Variants in ITGBL1 observed in about 807,000 individuals in gnomAD.
ITGBL1 encodes the protein integrin beta-like protein 1.
A neutral mutation model predicts 68.5 loss-of-function variants in ITGBL1; 51 were observed. The ratio of observed to expected loss-of-function variants is 0.74; its 90% CI spans 0.59 to 0.94. ITGBL1 has a LOEUF of 0.94. Ranked by LOEUF, ITGBL1 falls within the 40% of genes least tolerant of loss-of-function variation. The pLI is 0.00. For synonymous variants in ITGBL1, 209 were observed against 227.3 expected, an observed-to-expected ratio of 0.92 and a Z score of 0.72; for missense variants, 649 against 647.4, an observed-to-expected ratio of 1.00 and a Z score of -0.03.
At chr13:101,459,948 A>C (rs2048295682) in intron 2 of ITGBL1, among the ~76,000 whole-genome samples, 1 of 152,140 alleles carries the variant, frequency 6.6e-6, no homozygotes, top group African/African-American at 2.4e-5. Flanking sequence ...GTGGTTATTC[A>C]TGAGAACTGG....
rs549716372 is a variant in ITGBL1, at chr13:101,601,173, G to A, written c.1015+2874G>A. ...CTGGTTTAGTCTTGGGAGAGTGTAT[G>A]TGTTGAGGAAATTTATCCATTTCTT... On this transcript the variant is annotated intron_variant, in intron 7 of 10. Transcript: ENST00000376180. 3.9e-3 allele frequency among the ~76,000 whole-genome samples: 598 copies of A among 152,320 alleles called. 5 individuals are homozygous for A. The highest frequency in any genetic ancestry group is 0.014 in the African/African-American group (564 of 41,578).
At chr13:101,516,568 A>C (rs779647865) in intron 2 of ITGBL1, among the ~76,000 whole-genome samples, 9 of 152,280 alleles carry the variant, frequency 5.9e-5, no homozygotes, top group Non-Finnish European at 1.3e-4. Context: ...GCAAAAGAAA[A>C]GGTAGAAAAA....
chr13:101,517,414 C>T (rs754310585), intron 2 of ITGBL1, among the ~76,000 whole-genome samples: 24 of 152,256 alleles, frequency 1.6e-4, no homozygotes, highest in Middle Eastern at 3.4e-3. Flanking sequence ...CTGCACGTTA[C>T]GCTCATCTAG....
chr13:101,474,762 A>G (rs2048511954), intron 2 of ITGBL1, among the ~76,000 whole-genome samples: 1 of 152,198 alleles, frequency 6.6e-6, no homozygotes, highest in Non-Finnish European at 1.5e-5. Flanking sequence ...AAGTAAGGGA[A>G]GAGAACATGA....
rs539646864 is a variant in ITGBL1, at chr13:101,597,701, C to T, written c.869-452C>T. On this transcript the variant is annotated intron_variant, in intron 6 of 10. Transcript: ENST00000376180. ...CTAAGTAGCTGGGATTACAGGTGCACGCCACCATGCCTGGCTAATTTTCAT... is the reference window on the plus strand; with the variant it reads ...CTAAGTAGCTGGGATTACAGGTGCATGCCACCATGCCTGGCTAATTTTCAT... Among the ~76,000 whole-genome samples the T allele has an allele frequency of 3.9e-5, 6 of 152,046 alleles. No homozygotes were observed. In the South Asian group the frequency reaches 6.3e-4, roughly 16 times the overall value.
intron 7 of ITGBL1, among the ~76,000 whole-genome samples, chr13:101,659,258 A>C (rs1012364678): frequency 1.3e-5 from 2 of 152,096 alleles, no homozygotes; most frequent in Admixed American, 1.3e-4. Flanking sequence ...AAATACTGTT[A>C]ATATTTCAAT....
intron 2 of ITGBL1, among the ~76,000 whole-genome samples, chr13:101,495,221 G>A (rs1235081613): frequency 5.3e-5 from 8 of 152,168 alleles, no homozygotes; most frequent in Admixed American, 2.0e-4. Flanking sequence ...TAAGTAGCAG[G>A]AATGGTGGCT....
intron 9 of ITGBL1, among the ~76,000 whole-genome samples, chr13:101,708,117 A>T (rs190831003): frequency 6.6e-6 from 1 of 152,136 alleles, no homozygotes; most frequent in African/African-American, 2.4e-5. Context: ...ATGCTAATAG[A>T]TTAAATTTTG....
chr13:101,455,659 A>C (rs896109087), intron 2 of ITGBL1, among the ~76,000 whole-genome samples: 4 of 152,254 alleles, frequency 2.6e-5, no homozygotes, highest in African/African-American at 9.6e-5. Context: ...GCGAGACTTC[A>C]TCTCAATAAA....
chr13:101,567,863 T>C lies in ITGBL1; in HGVS notation c.463+18T>C, dbSNP rs770641301. 6.3e-7 allele frequency: 1 copy of C among 1,596,066 alleles called. No homozygotes were observed. Among genetic ancestry groups the C allele is most frequent in the Admixed American group, 1.7e-5 (1 of 57,382 alleles). On this transcript the variant is annotated intron_variant, in intron 3 of 10. Transcript: ENST00000376180. ...TAATGCAGGTAAGAAGTATACCCTGTGAAAATTGTTAAGTGGAATAATCAA... is the reference window on the plus strand; with the variant it reads ...TAATGCAGGTAAGAAGTATACCCTGCGAAAATTGTTAAGTGGAATAATCAA...
At chr13:101,607,488 C>A (rs1222254721) in intron 7 of ITGBL1, among the ~76,000 whole-genome samples, 1 of 151,908 alleles carries the variant, frequency 6.6e-6, no homozygotes, top group East Asian at 1.9e-4. Context: ...AATCAATCCT[C>A]TTTTTATTAG....
At chr13:101,548,382 G>T (rs1417622916) in intron 2 of ITGBL1, among the ~76,000 whole-genome samples, 3 of 151,772 alleles carry the variant, frequency 2.0e-5, no homozygotes, top group African/African-American at 7.2e-5. Context: ...CATATTGAGA[G>T]ATCGATCTAC....
chr13:101,489,593 G>A (rs890988795), intron 2 of ITGBL1, among the ~76,000 whole-genome samples: 4 of 152,166 alleles, frequency 2.6e-5, no homozygotes, highest in Admixed American at 6.5e-5. Context: ...GAAAAATATC[G>A]CATAGCATCT....
chr13:101,503,398 T>G (rs993546884), intron 2 of ITGBL1, among the ~76,000 whole-genome samples: 11 of 152,026 alleles, frequency 7.2e-5, no homozygotes, highest in Non-Finnish European at 1.5e-5. Context: ...TAACAAGAAT[T>G]TGAAGAATCA....
chr13:101,720,792 A>AAGG (rs1331601564), downstream of ITGBL1: 7 of 152,240 alleles, frequency 4.6e-5, no homozygotes, highest in East Asian at 1.4e-3. Context: ...AAAATGACCA[A>AAGG]AGGAATCATT....
intron 2 of ITGBL1, among the ~76,000 whole-genome samples, chr13:101,515,773 T>A (rs1257393005): frequency 2.0e-5 from 3 of 152,104 alleles, no homozygotes. Flanking sequence ...GTGAAACATT[T>A]CATATGAGTC....
chr13:101,647,558 T>A (rs552558093), intron 7 of ITGBL1, among the ~76,000 whole-genome samples: 2 of 152,170 alleles, frequency 1.3e-5, no homozygotes, highest in African/African-American at 4.8e-5. Context: ...CCAGATCTCA[T>A]AGGGAAAAGA....
intron 3 of ITGBL1, among the ~76,000 whole-genome samples, chr13:101,569,553 C>G (rs1172126961): frequency 6.6e-6 from 1 of 152,134 alleles, no homozygotes; most frequent in Non-Finnish European, 1.5e-5. Flanking sequence ...CCTCTCCTTA[C>G]AGGATTCAGA....
At chr13:101,568,937 T>C (rs1490949531) in intron 3 of ITGBL1, among the ~76,000 whole-genome samples, 2 of 152,016 alleles carry the variant, frequency 1.3e-5, no homozygotes, top group African/African-American at 4.8e-5. Flanking sequence ...GTGTTCATGA[T>C]GTTCTCATCA....
Sources: allele counts gnomAD v4.1 joint callset (sites outside exome capture counted in the v4.1 genomes callset), GRCh38; gene constraint gnomAD v4.1.1; transcripts MANE v1.5; gene names NCBI Gene and HGNC (gene_info 2026-07-23, HGNC 2026-07-21).